Variants in CADM2 observed in about 807,000 individuals in gnomAD.
CADM2 encodes the protein cell adhesion molecule 2.
A neutral mutation model predicts 49.8 loss-of-function variants in CADM2; 12 were observed. The observed-to-expected ratio is 0.24, with a 90% CI of 0.15 to 0.39. The LOEUF is 0.39. Ranked by LOEUF, CADM2 falls within the 10% of genes least tolerant of loss-of-function variation. The pLI is 1.00. For synonymous variants in CADM2, 214 were observed against 175.4 expected (o/e 1.22, Z -1.74); for missense variants, 378 against 492.3 (o/e 0.77, Z 2.20).
chr3:85,671,410 G>A (rs996036208), intron 1 of CADM2, among the ~76,000 whole-genome samples: 12 of 152,118 alleles, frequency 7.9e-5, no homozygotes, highest in African/African-American at 2.7e-4. Flanking sequence ...TTTTCCAACA[G>A]TATATTAATT....
intron 8 of CADM2, among the ~76,000 whole-genome samples, chr3:85,975,265 A>C (rs1577836021): frequency 6.6e-6 from 1 of 151,542 alleles, no homozygotes; most frequent in Admixed American, 6.6e-5. Flanking sequence ...TGGCTAAATA[A>C]ATTTAAAACA....
chr3:85,047,292 A>G (rs2035705958), intron 1 of CADM2, among the ~76,000 whole-genome samples: 1 of 152,098 alleles, frequency 6.6e-6, no homozygotes. Flanking sequence ...TTCGTGACCT[A>G]CCAGTTCTTT....
At chr3:84,984,730 C>T (rs2032449348) in intron 1 of CADM2, among the ~76,000 whole-genome samples, 1 of 152,150 alleles carries the variant, frequency 6.6e-6, no homozygotes, top group African/African-American at 2.4e-5. Context: ...TCTGAAACCC[C>T]AAGCTGGCCA....
chr3:85,631,333 G>A (rs2064299557), intron 1 of CADM2, among the ~76,000 whole-genome samples: 1 of 152,108 alleles, frequency 6.6e-6, no homozygotes, highest in African/African-American at 2.4e-5. Context: ...AGATACTATA[G>A]AAGAGCTTAA....
chr3:84,988,472 C>T (rs1306532528), intron 1 of CADM2, among the ~76,000 whole-genome samples: 1 of 152,152 alleles, frequency 6.6e-6, no homozygotes, highest in Non-Finnish European at 1.5e-5. Flanking sequence ...TCCATGAAAC[C>T]TAGCAGATAG....
At chr3:85,158,487 TA>T (rs2040212874) in intron 1 of CADM2, among the ~76,000 whole-genome samples, 1 of 152,204 alleles carries the variant, frequency 6.6e-6, no homozygotes, top group Non-Finnish European at 1.5e-5. Context: ...GTGGCACATG[TA>T]CATCATGGAA....
At chr3:85,347,620 C>CAT (rs1003483987) in intron 1 of CADM2, among the ~76,000 whole-genome samples, 5 of 99,514 alleles carry the variant, frequency 5.0e-5, no homozygotes, top group African/African-American at 1.2e-4. Context: ...AATATATATA[C>CAT]ATATATATAA....
intron 1 of CADM2, among the ~76,000 whole-genome samples, chr3:85,621,010 T>C (rs1037041180): frequency 1.3e-5 from 2 of 152,186 alleles, no homozygotes; most frequent in Non-Finnish European, 2.9e-5. Flanking sequence ...ATTATTGTTA[T>C]TTGTTTAAAC....
chr3:85,586,095 T>C (rs1170985794), intron 1 of CADM2, among the ~76,000 whole-genome samples: 1 of 152,120 alleles, frequency 6.6e-6, no homozygotes, highest in African/African-American at 2.4e-5. Flanking sequence ...GTGTGGTTGA[T>C]GTTCATGCTG....
chr3:85,185,498 G>A (rs2041039909), intron 1 of CADM2, among the ~76,000 whole-genome samples: 1 of 152,022 alleles, frequency 6.6e-6, no homozygotes, highest in Non-Finnish European at 1.5e-5. Context: ...CATTTTGAAA[G>A]TTAAGTCCAC....
chr3:85,397,557 A>G (rs1219292673), intron 1 of CADM2, among the ~76,000 whole-genome samples: 1 of 152,224 alleles, frequency 6.6e-6, no homozygotes, highest in Admixed American at 6.5e-5. Context: ...CTTAAAAAGG[A>G]ATGGAGTTCT....
At chr3:86,002,377 A>G (rs543009258) in intron 8 of CADM2, among the ~76,000 whole-genome samples, 1 of 152,116 alleles carries the variant, frequency 6.6e-6, no homozygotes, top group Non-Finnish European at 1.5e-5. Flanking sequence ...ACAGTGCCAT[A>G]TATGTTAATA....
chr3:85,718,650 T>C (rs1377410266), intron 1 of CADM2, among the ~76,000 whole-genome samples: 3 of 152,014 alleles, frequency 2.0e-5, no homozygotes, highest in Non-Finnish European at 4.4e-5. Flanking sequence ...GTATAAACTA[T>C]TTGTACTAGA....
chr3:85,861,501 A>C lies in CADM2; in HGVS notation c.239-21790A>C, dbSNP rs147324520. Among the ~76,000 whole-genome samples the C allele has an allele frequency of 1.3e-3, 201 of 152,278 alleles. 3 individuals are homozygous for C. The East Asian group carries it at 0.035, about 26-fold the overall frequency. On this transcript the variant is annotated intron_variant, in intron 3 of 9. Coordinates refer to ENST00000383699, the MANE Select transcript of CADM2 (RefSeq NM_001167675.2). ...AAAATCAGGAAATTCTGTTTTAAAC[A>C]TGTTAAATTGGAGATGACTGTTATG...
chr3:85,738,345 T>A (rs2068232574), intron 2 of CADM2, among the ~76,000 whole-genome samples: 1 of 152,164 alleles, frequency 6.6e-6, no homozygotes, highest in Non-Finnish European at 1.5e-5. Flanking sequence ...AAATAAAACA[T>A]CACTTTTCAT....
chr3:85,657,387 G>T (rs551693237), intron 1 of CADM2, among the ~76,000 whole-genome samples: 1 of 151,934 alleles, frequency 6.6e-6, no homozygotes, highest in African/African-American at 2.4e-5. Flanking sequence ...CTTATTAAAG[G>T]GTTCTCAGTA....
chr3:85,048,820 T>TG (rs2035765663), intron 1 of CADM2, among the ~76,000 whole-genome samples: 1 of 152,106 alleles, frequency 6.6e-6, no homozygotes, highest in South Asian at 2.1e-4. Flanking sequence ...CAGCCACAAA[T>TG]GGGTCCAAAG....
At chr3:85,692,967 T>C (rs1184113643) in intron 1 of CADM2, among the ~76,000 whole-genome samples, 1 of 151,990 alleles carries the variant, frequency 6.6e-6, no homozygotes, top group Non-Finnish European at 1.5e-5. Context: ...GAGTGGTTCA[T>C]GCCTGTAATC....
chr3:85,726,179 G>A (rs1401692251), intron 1 of CADM2, among the ~76,000 whole-genome samples: 1 of 151,740 alleles, frequency 6.6e-6, no homozygotes, highest in Non-Finnish European at 1.5e-5. Context: ...ATAGTATTAA[G>A]TATATTTAAA....
Sources: gnomAD v4.1 joint callset for allele counts (sites outside exome capture counted in the v4.1 genomes callset) on GRCh38, gnomAD v4.1.1 for gene constraint, MANE v1.5 for transcripts, NCBI Gene and HGNC (gene_info 2026-07-23, HGNC 2026-07-21) for gene names.